ZNF229: variants seen among roughly 807,000 people sequenced by gnomAD.
The protein encoded by ZNF229 is zinc finger protein 229.
In ZNF229, 10 loss-of-function variants were observed where a neutral mutation model predicts 11.8. The observed-to-expected ratio is 0.85, with a 90% CI of 0.52 to 1.44. The LOEUF is 1.44. ZNF229 is among the 40% of genes most tolerant of loss of function. The pLI is 0.00. For missense variants in ZNF229, 1,045 were observed against 1,015.1 expected (o/e 1.03, Z -0.40); for synonymous variants, 368 against 374.8 (o/e 0.98, Z 0.21).
At chr19:44,441,099 A>T (rs915793877) in intron 4 of ZNF229, among the ~76,000 whole-genome samples, 1 of 152,132 alleles carries the variant, frequency 6.6e-6, no homozygotes, top group African/African-American at 2.4e-5. Context: ...GACTGCATCC[A>T]AAGTCTTTGT....
chr19:44,445,388 C>T (rs957326387), intron 2 of ZNF229, among the ~76,000 whole-genome samples: 1 of 152,204 alleles, frequency 6.6e-6, no homozygotes, highest in African/African-American at 2.4e-5. Flanking sequence ...GCACCAAGGT[C>T]CTTTCAATGG....
At chr19:44,435,052 G>A (rs1230993300) in intron 4 of ZNF229, among the ~76,000 whole-genome samples, 1 of 152,134 alleles carries the variant, frequency 6.6e-6, no homozygotes, top group Non-Finnish European at 1.5e-5. Context: ...TCCACCATGA[G>A]TGTGAGGCCT....
Position 44,429,306 on chromosome 19 carries a change from TCA to T in ZNF229, c.1473_1474del (p.Cys491Ter), listed in dbSNP as rs759438873. On this transcript the variant is annotated stop_gained and frameshift_variant, in exon 6 of 6. Coordinates refer to ENST00000614049, the MANE Select transcript of ZNF229 (RefSeq NM_014518.4). LOFTEE classifies it low-confidence loss of function (END_TRUNC). Reference sequence around the variant, plus strand: ...GTGACTGAAACCTTTGCCACACTTGTCACACTGGTAGGGCCTCTCGCCGGTGT... The same window carrying T: ...GTGACTGAAACCTTTGCCACACTTGTCACTGGTAGGGCCTCTCGCCGGTGT... The T allele has an allele frequency of 3.5e-5, 56 of 1,613,998 alleles. No homozygotes were observed. Among genetic ancestry groups the T allele is most frequent in the Non-Finnish European group, 4.7e-5 (56 of 1,180,014 alleles).
At position 44,429,815 on chromosome 19, in the gene ZNF229, C is replaced by G. The variant is rs1555725717; in HGVS notation, c.966G>C (p.Lys322Asn). The change falls in exon 6 of 6, where the codon AAG becomes AAC. Residue 322 changes from lysine to asparagine, a missense_variant. Transcript: ENST00000614049. ...TGACGCCCCGACCACGCTCAAGACT[C>G]TTAACAGATTTCTCTCCTGTGGGAA... ...QRVPTGEKSV[K>N]SLERGRGVRQ... The G allele has an allele frequency of 9.9e-6, 16 of 1,613,976 alleles. No homozygotes were observed. The highest frequency in any genetic ancestry group is 1.2e-5 in the Non-Finnish European group (14 of 1,179,980).
At chr19:44,430,657 A>G (rs904685022) in intron 5 of ZNF229, 115 bp from the exon 6 acceptor site, 29 of 972,536 alleles carry the variant, frequency 3.0e-5, no homozygotes, top group African/African-American at 3.3e-5. Context: ...TTTATGTATC[A>G]TAACTATTAG....
chr19:44,429,938 G>C lies in ZNF229; in HGVS notation c.843C>G (p.Pro281=), dbSNP rs1295291355. 1.2e-6 allele frequency: 2 copies of C among 1,613,984 alleles called. No individual in the cohort carries two copies. The highest frequency in any genetic ancestry group is 1.6e-4 in the Middle Eastern group (1 of 6,062). Residue 281 remains proline, a synonymous_variant, in exon 6 of 6, where the codon CCC becomes CCG. Coordinates refer to ENST00000614049, the MANE Select transcript of ZNF229 (RefSeq NM_014518.4). ...CTTTCAAAGGTACTCTTGGATGCGGGGGAAGGTCTGCATCGTCCCTGAAGC... is the reference window on the plus strand; with the variant it reads ...CTTTCAAAGGTACTCTTGGATGCGGCGGAAGGTCTGCATCGTCCCTGAAGC... The part of the protein sequence containing the change: ...RNGFRDDADL[P]PHPRVPLKEK...
At position 44,427,105 on chromosome 19, in the gene ZNF229, G is replaced by C. The variant is rs1165816395; in HGVS notation, c.*1198C>G. ...CTCTCATGAGAACTCACTATCATGA[G>C]AACAGCAAGGGAGAAATCTGCCCTC... On this transcript the variant is annotated 3_prime_UTR_variant, in exon 6 of 6. Coordinates refer to ENST00000614049, the MANE Select transcript of ZNF229 (RefSeq NM_014518.4). 6.6e-6 allele frequency: 1 copy of C among 152,042 alleles called. No homozygotes were observed. The highest frequency in any genetic ancestry group is 6.5e-5 in the Admixed American group (1 of 15,270). 9.4% of individuals were successfully genotyped at this position (152,042 alleles called of 1,614,324 possible). A position where few individuals can be genotyped will look rare whatever the true frequency, so the allele number is the denominator to read the frequency against.
At chr19:44,439,049 G>A (rs1971862711) in intron 4 of ZNF229, among the ~76,000 whole-genome samples, 1 of 152,138 alleles carries the variant, frequency 6.6e-6, no homozygotes, top group African/African-American at 2.4e-5. Flanking sequence ...GCAGTCTCTT[G>A]TGGGACAGAA....
In ZNF229 at chr19:44,428,853, A is replaced by G. The variant is rs1418832380; in HGVS notation, c.1928T>C (p.Leu643Pro). The change falls in exon 6 of 6, where the codon CTT becomes CCT. Residue 643 changes from leucine (L) to proline (P), a missense_variant. Physicochemically the swap from Leu to Pro is moderately conservative, Grantham distance 98 (BLOSUM62 -3). Coordinates refer to ENST00000614049, the MANE Select transcript of ZNF229 (RefSeq NM_014518.4). Reference protein sequence around the residue: ...CGKGFSYSSGLLIHQRVHTGE... With the variant: ...CGKGFSYSSGPLIHQRVHTGE... ...TGTGTGGACTCTCTGGTGAATGAGA[A>G]GCCCTGAGCTGTAACTGAAGCCTTT... 1.2e-6 allele frequency: 2 copies of G among 1,613,698 alleles called. No homozygotes were observed. The highest frequency in any genetic ancestry group is 1.7e-6 in the Non-Finnish European group (2 of 1,180,000).
At chr19:44,444,114 C>A (rs1000354503) in intron 2 of ZNF229, among the ~76,000 whole-genome samples, 2 of 152,128 alleles carry the variant, frequency 1.3e-5, no homozygotes, top group African/African-American at 4.8e-5. Flanking sequence ...GGGTCCTAAG[C>A]AATTCTATCA....
chr19:44,439,624 G>T (rs1046495112), intron 4 of ZNF229, among the ~76,000 whole-genome samples: 1 of 151,924 alleles, frequency 6.6e-6, no homozygotes, highest in Middle Eastern at 3.4e-3. Context: ...TTTTACTTTT[G>T]GTAGAGACAG....
Position 44,428,932 on chromosome 19 carries a change from TAAG to T in ZNF229, c.1846_1848del (p.Leu616del). 6.2e-7 allele frequency: 1 copy of T among 1,612,272 alleles called. No individual in the cohort carries two copies. On this transcript the variant is annotated inframe_deletion, in exon 6 of 6. Transcript: ENST00000614049. ...TCTCCAGTGTGGACCCTCTGATGGA[TAAG>T]GAGGTCGGAGCTGTAGATGAAACCC...
chr19:44,443,848 C>G (rs1183917190), intron 2 of ZNF229, among the ~76,000 whole-genome samples: 2 of 152,014 alleles, frequency 1.3e-5, no homozygotes, highest in African/African-American at 4.8e-5. Context: ...ATTTTTTTCC[C>G]ATTCAAATTC....
intron 4 of ZNF229, among the ~76,000 whole-genome samples, chr19:44,438,966 G>T (rs906759831): frequency 6.6e-6 from 1 of 152,212 alleles, no homozygotes; most frequent in South Asian, 2.1e-4. Context: ...AGAGTGGGTT[G>T]TGGGAACCCC....
chr19:44,430,237 T>G lies in ZNF229; in HGVS notation c.544A>C (p.Ile182Leu). 1 of 1,614,164 alleles carries G rather than the reference T, an allele frequency of 6.2e-7. No individual in the cohort carries two copies. Among genetic ancestry groups the G allele is most frequent in the African/African-American group, 1.3e-5 (1 of 74,988 alleles). ...QFPAWRAIRP[I>L]PIQGSWAKAF... ...TTTGCCCAAGATCCTTGAATGGGGA[T>G]TGGTCTTATAGCTCTCCAGGCTGGA... is the stretch of plus-strand genomic sequence containing the variant. The change falls in exon 6 of 6, where the codon ATC becomes CTC. Residue 182 changes from isoleucine (I) to leucine (L), a missense_variant. Coordinates refer to ENST00000614049, the MANE Select transcript of ZNF229 (RefSeq NM_014518.4).
intron 3 of ZNF229, 64 bp from the exon 4 acceptor site, chr19:44,442,685 C>A (rs1568408290): frequency 1.2e-6 from 2 of 1,607,242 alleles, no homozygotes; most frequent in Admixed American, 1.7e-5. Flanking sequence ...GATCATCTAC[C>A]TGGTAGGAAG....
intron 4 of ZNF229, 34 bp from the exon 5 acceptor site, chr19:44,432,400 T>C: frequency 1.2e-6 from 2 of 1,607,118 alleles, no homozygotes; most frequent in South Asian, 1.1e-5. Flanking sequence ...AAACATCTAC[T>C]AGATGAAGAC....
rs776577790 is a variant in ZNF229 at position 44,428,284 on chromosome 19, T to A, written c.*19A>T. 6.4e-6 allele frequency: 10 copies of A among 1,573,490 alleles called. No individual in the cohort carries two copies. The East Asian group carries it at 1.8e-4, about 28-fold the overall frequency. On this transcript the variant is annotated 3_prime_UTR_variant, in exon 6 of 6. Transcript: ENST00000614049. ...TGGATAGAAAGCTCTGAGTCCCAGATGGAATCCTCTATGTACATCTACTTA... is the reference window on the plus strand; with the variant it reads ...TGGATAGAAAGCTCTGAGTCCCAGAAGGAATCCTCTATGTACATCTACTTA...
rs1354357294 is a variant in ZNF229 at position 44,429,011 on chromosome 19, G to A, written c.1770C>T (p.His590=). The change falls in exon 6 of 6, where the codon CAC becomes CAT. Residue 590 remains histidine (H), a synonymous_variant. Coordinates refer to ENST00000614049, the MANE Select transcript of ZNF229 (RefSeq NM_014518.4). ...GCCTCTCTCCCGTGTGGACCCTCTG[G>A]TGGCTGTGAAGGTCTGAATTCCGCC... ...GFRRNSDLHS[H]QRVHTGERPY... 2 of 1,611,230 alleles carry A rather than the reference G, an allele frequency of 1.2e-6. No homozygotes were observed. Among genetic ancestry groups the A allele is most frequent in the Non-Finnish European group, 8.5e-7 (1 of 1,179,068 alleles).
Sources: allele counts gnomAD v4.1 joint callset (sites outside exome capture counted in the v4.1 genomes callset), GRCh38; gene constraint gnomAD v4.1.1; transcripts MANE v1.5; gene names NCBI Gene and HGNC (gene_info 2026-07-23, HGNC 2026-07-21).